The following ZNF804B variants were observed in gnomAD, a reference collection of about 807,000 sequenced individuals.
ZNF804B encodes zinc finger protein 804B, also known as zinc finger 804B.
Under a neutral mutation model 101.4 loss-of-function variants are expected in ZNF804B, and 80 were observed. The ratio of observed to expected loss-of-function variants is 0.79; its 90% CI spans 0.66 to 0.95. The LOEUF (loss-of-function observed/expected upper bound fraction) is 0.95. Ranked by LOEUF, ZNF804B falls within the 40% of genes least tolerant of loss-of-function variation. The probability of loss-of-function intolerance (pLI) is 0.00; values close to 1 mark genes in which losing one functional copy is unlikely to be tolerated. For synonymous variants in ZNF804B, 622 were observed against 558.8 expected, an observed-to-expected ratio of 1.11 and a Z score of -1.59; for missense variants, 1,673 against 1,561.9, an observed-to-expected ratio of 1.07 and a Z score of -1.20.
At chr7:88,853,455 A>G (rs774542528) in intron 1 of ZNF804B, among the ~76,000 whole-genome samples, 1 of 152,116 alleles carries the variant, frequency 6.6e-6, no homozygotes, top group African/African-American at 2.4e-5. Flanking sequence ...TAAAGTTAGA[A>G]TGTATTCCGG....
At chr7:89,163,569 TC>T (rs1321648707) in intron 1 of ZNF804B, among the ~76,000 whole-genome samples, 1 of 152,192 alleles carries the variant, frequency 6.6e-6, no homozygotes, top group Non-Finnish European at 1.5e-5. Flanking sequence ...TATCTTTTTT[TC>T]CTTTGCTTAT....
At chr7:89,236,191 T>G (rs1448459553) in intron 2 of ZNF804B, among the ~76,000 whole-genome samples, 2 of 152,112 alleles carry the variant, frequency 1.3e-5, no homozygotes, top group African/African-American at 2.4e-5. Context: ...TAATGTGATT[T>G]GAGGAGAAAA....
intron 1 of ZNF804B, among the ~76,000 whole-genome samples, chr7:88,812,904 G>A (rs1790812570): frequency 6.6e-6 from 1 of 151,658 alleles, no homozygotes; most frequent in Non-Finnish European, 1.5e-5. Context: ...ACCAAGGAGA[G>A]GGGAAAATGG....
At chr7:88,884,435 A>G (rs985162584) in intron 1 of ZNF804B, among the ~76,000 whole-genome samples, 4 of 151,478 alleles carry the variant, frequency 2.6e-5, no homozygotes, top group African/African-American at 7.3e-5. Context: ...CTATATATCT[A>G]TTTATCATCT....
intron 1 of ZNF804B, among the ~76,000 whole-genome samples, chr7:89,124,395 C>A (rs944022030): frequency 2.6e-5 from 4 of 152,102 alleles, no homozygotes; most frequent in African/African-American, 9.7e-5. Context: ...TACTGATGAT[C>A]CATGAGTGAA....
chr7:89,022,460 T>G lies in ZNF804B; in HGVS notation c.109-195695T>G, dbSNP rs191292492. On this transcript the variant is annotated intron_variant, in intron 1 of 3. Coordinates refer to ENST00000333190, the MANE Select transcript of ZNF804B (RefSeq NM_181646.5). ...TTTATTATCCGGTTATGTCTTTGTT[T>G]TTATTGTTGTTTTGTTTTGCCTTCA... Among the ~76,000 whole-genome samples, 106 of 152,290 alleles carry G rather than the reference T, an allele frequency of 7.0e-4. 1 individual carries two copies. In the East Asian group the frequency reaches 0.015, roughly 21 times the overall value.
In ZNF804B at chr7:89,333,797, A is replaced by T; in HGVS notation, c.815A>T (p.Asp272Val). 3 of 1,613,556 alleles carry T rather than the reference A, an allele frequency of 1.9e-6. No individual in the cohort carries two copies. Among genetic ancestry groups the T allele is most frequent in the Non-Finnish European group, 2.5e-6 (3 of 1,179,760 alleles). The change falls in exon 4 of 4, where the codon GAT (aspartate) becomes GTT (valine). Residue 272 changes from aspartate (D) to valine (V), a missense_variant. Coordinates refer to ENST00000333190, the MANE Select transcript of ZNF804B (RefSeq NM_181646.5). ...KCKCCRFANK[D>V]THLTKEKEVN... is the part of the protein sequence containing the mutation. ...AAGTGCTGCAGGTTTGCAAATAAAG[A>T]TACACACCTTACCAAGGAAAAAGAG...
intron 1 of ZNF804B, among the ~76,000 whole-genome samples, chr7:89,091,975 A>C (rs1332182365): frequency 6.6e-6 from 1 of 152,174 alleles, no homozygotes. Flanking sequence ...TACATCTGTT[A>C]ATAAATGTAT....
At chr7:89,233,112 G>T (rs983607456) in intron 2 of ZNF804B, among the ~76,000 whole-genome samples, 2 of 151,894 alleles carry the variant, frequency 1.3e-5, no homozygotes, top group Non-Finnish European at 2.9e-5. Context: ...ATTTTTAGTA[G>T]AGACGGGGTT....
intron 1 of ZNF804B, among the ~76,000 whole-genome samples, chr7:88,876,744 T>TA (rs1172548959): frequency 6.6e-6 from 1 of 151,886 alleles, no homozygotes; most frequent in Non-Finnish European, 1.5e-5. Context: ...TCTTCTTAAT[T>TA]AAAAGCAATA....
At chr7:88,811,836 A>G (rs557840610) in intron 1 of ZNF804B, among the ~76,000 whole-genome samples, 13 of 152,212 alleles carry the variant, frequency 8.5e-5, no homozygotes, top group Non-Finnish European at 1.8e-4. Flanking sequence ...GGGGAGGGAG[A>G]GCATCAGAAG....
At chr7:88,911,689 T>C (rs1347028502) in intron 1 of ZNF804B, among the ~76,000 whole-genome samples, 1 of 151,566 alleles carries the variant, frequency 6.6e-6, no homozygotes, top group African/African-American at 2.4e-5. Flanking sequence ...AAAATGAAGA[T>C]CTTAAGTGTT....
At chr7:89,290,930 A>G (rs4727200) in intron 2 of ZNF804B, among the ~76,000 whole-genome samples, 116,214 of 152,002 alleles carry the variant, frequency 0.76, 44,686 homozygotes, top group East Asian at 1. Context: ...CAAGTGACTC[A>G]CCACAGAGAG....
At chr7:88,870,384 C>CAAAAAAAAAAAAAAAAAAAA (rs1212123301) in intron 1 of ZNF804B, among the ~76,000 whole-genome samples, 3 of 36,068 alleles carry the variant, frequency 8.3e-5, no homozygotes, top group Non-Finnish European at 1.6e-4. Context: ...AACTCCGTCT[C>CAAAAAAAAAAAAAAAAAAAA]AAAAAAAAAA....
At chr7:88,994,581 A>T (rs1340453901) in intron 1 of ZNF804B, among the ~76,000 whole-genome samples, 2 of 152,064 alleles carry the variant, frequency 1.3e-5, no homozygotes, top group African/African-American at 4.8e-5. Flanking sequence ...TAATACTATT[A>T]TATATATTCA....
At chr7:89,165,851 TGAGA>T (rs138608683) in intron 1 of ZNF804B, among the ~76,000 whole-genome samples, 8 of 152,058 alleles carry the variant, frequency 5.3e-5, no homozygotes, top group Non-Finnish European at 1.2e-4. Flanking sequence ...AGAAAAGAAA[TGAGA>T]GAGTTTCTAA....
chr7:88,908,571 CT>C (rs1389941125), intron 1 of ZNF804B, among the ~76,000 whole-genome samples: 1 of 151,832 alleles, frequency 6.6e-6, no homozygotes, highest in South Asian at 2.1e-4. Flanking sequence ...TTTGCAAGAA[CT>C]TGAGAGAATC....
intron 1 of ZNF804B, among the ~76,000 whole-genome samples, chr7:89,090,596 GA>G (rs2116324872): frequency 6.6e-6 from 1 of 151,972 alleles, no homozygotes; most frequent in East Asian, 1.9e-4. Context: ...TTATAAAGAT[GA>G]AAAAATAGGA....
intron 2 of ZNF804B, among the ~76,000 whole-genome samples, chr7:89,324,788 G>T (rs1038418070): frequency 6.6e-6 from 1 of 150,648 alleles, no homozygotes; most frequent in Non-Finnish European, 1.5e-5. Flanking sequence ...GATAATATTT[G>T]ATTGGATACA....
Sources: allele counts gnomAD v4.1 joint callset (sites outside exome capture counted in the v4.1 genomes callset), GRCh38; gene constraint gnomAD v4.1.1; transcripts MANE v1.5; gene names NCBI Gene and HGNC (gene_info 2026-07-23, HGNC 2026-07-21).